The following UQCC6 variants were observed in gnomAD, a reference collection of about 807,000 sequenced individuals.
UQCC6 encodes the protein ubiquinol-cytochrome c reductase complex assembly factor 6.
the UQCC6 span, among the ~76,000 whole-genome samples, chr12:103,954,260 T>G: frequency 6.6e-6 from 1 of 152,268 alleles, no homozygotes; most frequent in Non-Finnish European, 1.5e-5. Flanking sequence ...ACAAACTGTG[T>G]GTGTACACAT....
At chr12:103,955,123 T>C in the UQCC6 span, among the ~76,000 whole-genome samples, 1 of 151,940 alleles carries the variant, frequency 6.6e-6, no homozygotes, top group East Asian at 1.9e-4. Flanking sequence ...AAGACCAGCC[T>C]GGCCAACACA....
At chr12:103,957,082 G>A in the UQCC6 span, 1 of 306,152 alleles carries the variant, frequency 3.3e-6, no homozygotes, top group Non-Finnish European at 6.3e-6. Context: ...TTGGAGGAGA[G>A]GAACTGTGGA....
chr12:103,955,822 C>T, the UQCC6 span: 1 of 455,964 alleles, frequency 2.2e-6, no homozygotes, highest in Non-Finnish European at 4.4e-6. Flanking sequence ...ACTTTCTCAT[C>T]TCCACCTCCC....
At chr12:103,956,456 G>T in the UQCC6 span, 2 of 571,346 alleles carry the variant, frequency 3.5e-6, no homozygotes, top group South Asian at 2.2e-5. Flanking sequence ...AAAGGTTTTG[G>T]GCCCAGGGCA....
the UQCC6 span, chr12:103,957,054 C>T: frequency 2.7e-6 from 1 of 372,154 alleles, no homozygotes; most frequent in Non-Finnish European, 5.1e-6. Context: ...GGTCGTTTCC[C>T]CGCGCCCCTT....
At chr12:103,963,323 G>A in the UQCC6 span, among the ~76,000 whole-genome samples, 17 of 152,226 alleles carry the variant, frequency 1.1e-4, no homozygotes, top group South Asian at 2.1e-4. Flanking sequence ...TGATCTGCCC[G>A]CCTCGGCCTC....
the UQCC6 span, chr12:103,951,651 A>G: frequency 2.2e-6 from 3 of 1,363,322 alleles, no homozygotes; most frequent in Non-Finnish European, 3.0e-6. Context: ...AACAAAACAA[A>G]AAACATAAAT....
chr12:103,951,335 G>T, the UQCC6 span: 6 of 475,084 alleles, frequency 1.3e-5, no homozygotes, highest in African/African-American at 1.2e-4. Context: ...TTGATGATAT[G>T]TGCTTTGGCA....
the UQCC6 span, among the ~76,000 whole-genome samples, chr12:103,959,155 G>A: frequency 5.9e-5 from 9 of 152,240 alleles, no homozygotes; most frequent in Non-Finnish European, 1.2e-4. Flanking sequence ...ACTTCAGAAC[G>A]CTGACTCCAT....
At chr12:103,961,022 T>C in the UQCC6 span, among the ~76,000 whole-genome samples, 4 of 152,106 alleles carry the variant, frequency 2.6e-5, no homozygotes, top group African/African-American at 9.7e-5. Context: ...CAGAAAGCAT[T>C]GTTATCATAG....
the UQCC6 span, chr12:103,951,614 G>A: frequency 8.5e-6 from 13 of 1,535,562 alleles, no homozygotes; most frequent in Admixed American, 2.4e-4. Context: ...ACGCTTTGGT[G>A]GAATTTCAGG....
the UQCC6 span, among the ~76,000 whole-genome samples, chr12:103,959,715 A>T: frequency 2.0e-5 from 3 of 152,204 alleles, no homozygotes; most frequent in South Asian, 6.2e-4. Context: ...CCGTCTCAAA[A>T]AATAATAATA....
chr12:103,959,433 C>T, the UQCC6 span, among the ~76,000 whole-genome samples: 1 of 152,078 alleles, frequency 6.6e-6, no homozygotes, highest in Non-Finnish European at 1.5e-5. Flanking sequence ...AATTGCCAGG[C>T]CGGGTGCAGT....
At chr12:103,953,504 C>T in the UQCC6 span, 3 of 702,418 alleles carry the variant, frequency 4.3e-6, no homozygotes, top group Non-Finnish European at 7.8e-6. Flanking sequence ...CCTTCCAGTT[C>T]TCCGACCGAA....
At chr12:103,957,678 G>T in the UQCC6 span, among the ~76,000 whole-genome samples, 1 of 152,016 alleles carries the variant, frequency 6.6e-6, no homozygotes, top group Non-Finnish European at 1.5e-5. Flanking sequence ...GGGGAAATTT[G>T]AAATCGACAT....
chr12:103,951,338 C>T, the UQCC6 span: 1 of 482,652 alleles, frequency 2.1e-6, no homozygotes, highest in Non-Finnish European at 3.7e-6. Flanking sequence ...ATGATATGTG[C>T]TTTGGCAGTT....
chr12:103,955,676 C>G, the UQCC6 span: 1 of 422,028 alleles, frequency 2.4e-6, no homozygotes, highest in Non-Finnish European at 4.6e-6. Context: ...AAAAAAGAAA[C>G]ACTAATGGTT....
the UQCC6 span, among the ~76,000 whole-genome samples, chr12:103,958,618 T>G: frequency 6.6e-6 from 1 of 152,254 alleles, no homozygotes; most frequent in South Asian, 2.1e-4. Context: ...TCATCCACAT[T>G]GTTGCATGTC....
At chr12:103,957,129 A>G in the UQCC6 span, 1 of 197,314 alleles carries the variant, frequency 5.1e-6, no homozygotes. Context: ...GCGCTCTACT[A>G]GAGACTGTAC....
Sources: gnomAD v4.1 joint callset for allele counts (sites outside exome capture counted in the v4.1 genomes callset) on GRCh38, gnomAD v4.1.1 for gene constraint, MANE v1.5 for transcripts, NCBI Gene and HGNC (gene_info 2026-07-23, HGNC 2026-07-21) for gene names.